The following HERC2 variants were observed in gnomAD, a reference collection of about 807,000 sequenced individuals.
HERC2 encodes the protein E3 ubiquitin-protein ligase HERC2.
Under a neutral mutation model 537.7 loss-of-function variants are expected in HERC2, and 102 were observed. The observed-to-expected ratio is 0.19, with a 90% CI of 0.16 to 0.22. The LOEUF is 0.22. HERC2 is among the 10% of genes least tolerant of loss of function. The probability of loss-of-function intolerance (pLI) is 1.00; values close to 1 mark genes in which losing one functional copy is unlikely to be tolerated. For missense variants in HERC2, 4,236 were observed against 6,198.2 expected, an observed-to-expected ratio of 0.68 and a Z score of 10.63; for synonymous variants, 2,224 against 2,466.2, an observed-to-expected ratio of 0.90 and a Z score of 2.91.
intron 30 of HERC2, among the ~76,000 whole-genome samples, chr15:28,232,736 A>G (rs1902013693): frequency 1.3e-5 from 2 of 152,212 alleles, no homozygotes; most frequent in South Asian, 4.1e-4. Flanking sequence ...GCTTGCCTTT[A>G]TAATTCTCCA....
chr15:28,246,691 T>G, intron 22 of HERC2, 51 bp downstream of exon 22: 3 of 1,448,178 alleles, frequency 2.1e-6, no homozygotes, highest in Non-Finnish European at 2.8e-6. Flanking sequence ...CACTTTAGCT[T>G]TCATCTATCT....
At chr15:28,163,836 C>T (rs1292010203) in intron 68 of HERC2, among the ~76,000 whole-genome samples, 3 of 152,158 alleles carry the variant, frequency 2.0e-5, no homozygotes, top group African/African-American at 7.2e-5. Context: ...CACTCGTGTA[C>T]TTCCCATTCC....
At chr15:28,290,671 C>T (rs1466870488) in intron 4 of HERC2, among the ~76,000 whole-genome samples, 5 of 152,024 alleles carry the variant, frequency 3.3e-5, no homozygotes, top group Admixed American at 3.3e-4. Context: ...TTGAAAATCC[C>T]CAAATACTTG....
At chr15:28,262,307 C>T (rs1487174256) in intron 15 of HERC2, among the ~76,000 whole-genome samples, 1 of 152,202 alleles carries the variant, frequency 6.6e-6, no homozygotes, top group Non-Finnish European at 1.5e-5. Flanking sequence ...CTAGTAAGAA[C>T]ACCACAGAAG....
At chr15:28,270,152 A>G (rs1439213170) in intron 10 of HERC2, among the ~76,000 whole-genome samples, 1 of 152,024 alleles carries the variant, frequency 6.6e-6, no homozygotes, top group African/African-American at 2.4e-5. Flanking sequence ...AAGTTGAGAC[A>G]GGGTTTCTCC....
In HERC2 at chr15:28,238,952, T is replaced by TA. The variant is rs910696881; in HGVS notation, c.3578-181dup. ...AAATTCTGTTAAATATAGAATGCTTTAAAAAAAAATCTAGGCAGCATGAAT... is the reference window on the plus strand; with the variant it reads ...AAATTCTGTTAAATATAGAATGCTTTAAAAAAAAAATCTAGGCAGCATGAAT... On this transcript the variant is annotated intron_variant, in intron 23 of 92. Transcript: ENST00000261609. Among the ~76,000 whole-genome samples, 9 of 151,558 alleles carry TA rather than the reference T, an allele frequency of 5.9e-5. No homozygotes were observed. The South Asian group carries it at 6.3e-4, about 11-fold the overall frequency.
intron 85 of HERC2, 91 bp from the exon 86 acceptor site, chr15:28,121,520 G>T: frequency 9.5e-7 from 1 of 1,054,700 alleles, no homozygotes; most frequent in Non-Finnish European, 1.5e-6. Context: ...TAAAATCTGT[G>T]TTGAAGACCT....
At chr15:28,187,307 A>C (rs1896400077) in intron 55 of HERC2, among the ~76,000 whole-genome samples, 1 of 152,068 alleles carries the variant, frequency 6.6e-6, no homozygotes, top group South Asian at 2.1e-4. Flanking sequence ...TATATCACTG[A>C]ATTAAGGAGG....
intron 69 of HERC2, among the ~76,000 whole-genome samples, chr15:28,157,881 G>C (rs1039008933): frequency 1.3e-4 from 20 of 152,052 alleles, no homozygotes; most frequent in African/African-American, 4.3e-4. Context: ...GGCATTTAGT[G>C]CTATAAATTT....
At chr15:28,293,552 G>A (rs60751586) in intron 3 of HERC2, among the ~76,000 whole-genome samples, 1 of 150,690 alleles carries the variant, frequency 6.6e-6, no homozygotes, top group African/African-American at 2.4e-5. Context: ...GTCTTCCAAA[G>A]TGATATTCCA....
At chr15:28,187,152 A>T (rs1896384692) in intron 55 of HERC2, among the ~76,000 whole-genome samples, 1 of 152,182 alleles carries the variant, frequency 6.6e-6, no homozygotes, top group Admixed American at 6.5e-5. Context: ...AACATATTTG[A>T]ATATACACAA....
In HERC2 at chr15:28,176,384, C is replaced by A; in HGVS notation, c.9686+44G>T. 1 of 1,602,870 alleles carries A rather than the reference C, an allele frequency of 6.2e-7. No homozygotes were observed. The highest frequency in any genetic ancestry group is 1.1e-5 in the South Asian group (1 of 90,478). On this transcript the variant is annotated intron_variant, in intron 63 of 92. Transcript: ENST00000261609. The surrounding 1 kb of genome is among the most constrained non-coding windows in gnomAD (Gnocchi z 5.0). Reference sequence around the variant, plus strand: ...GCGAGGCCCAGGTTCCCTGCACACACCTGCACAAGCACACACAGTGTGACA... The same window carrying A: ...GCGAGGCCCAGGTTCCCTGCACACAACTGCACAAGCACACACAGTGTGACA...
chr15:28,287,900 A>T (rs562112936), intron 4 of HERC2, among the ~76,000 whole-genome samples: 4 of 151,512 alleles, frequency 2.6e-5, no homozygotes, highest in African/African-American at 9.7e-5. Context: ...ATTTTTTTGT[A>T]TCTTTAGTAG....
In HERC2 at chr15:28,189,342, C is replaced by T. The variant is rs181485938; in HGVS notation, c.8649+1623G>A. Among the ~76,000 whole-genome samples, 505 of 152,264 alleles carry T rather than the reference C, an allele frequency of 3.3e-3. 3 individuals are homozygous for T. Among genetic ancestry groups the T allele is most frequent in the African/African-American group, 0.012 (479 of 41,550 alleles). On this transcript the variant is annotated intron_variant, in intron 55 of 92. Transcript: ENST00000261609. ...AGATATCTTTTACGAATGATAATCT[C>T]CATTGTTGATTTAATTACTTAGTTT...
In HERC2 at chr15:28,124,048, A is replaced by T; in HGVS notation, c.13177T>A (p.Ser4393Thr). 6.3e-7 allele frequency: 1 copy of T among 1,589,794 alleles called. No individual in the cohort carries two copies. The highest frequency in any genetic ancestry group is 8.6e-7 in the Non-Finnish European group (1 of 1,167,074). The change falls in exon 85 of 93, where the codon TCC becomes ACC. Residue 4393 changes from serine to threonine, a missense_variant. Coordinates refer to ENST00000261609, the MANE Select transcript of HERC2 (RefSeq NM_004667.6). The part of the protein sequence containing the change: ...GFDTLRGILI[S>T]QGKEAAFRKV... ...TGCCACTTGAATACCTTTCCCTGGG[A>T]TATCAGAATTCCTCGGAGAGTGTCG...
intron 64 of HERC2, 101 bp from the exon 65 acceptor site, chr15:28,174,721 G>T (rs1438168099): frequency 7.1e-6 from 7 of 981,520 alleles, no homozygotes; most frequent in Admixed American, 5.4e-5. Flanking sequence ...TGCCACGGTA[G>T]TTGAAAGAAT....
intron 80 of HERC2, 62 bp from the exon 81 acceptor site, chr15:28,132,323 G>C (rs1422467184): frequency 6.9e-6 from 10 of 1,448,474 alleles, no homozygotes; most frequent in African/African-American, 1.4e-5. Flanking sequence ...CACAGGACTG[G>C]CTTCACAACA....
At chr15:28,142,616 T>TG (rs1253524418) in intron 75 of HERC2, among the ~76,000 whole-genome samples, 2 of 152,282 alleles carry the variant, frequency 1.3e-5, no homozygotes, top group Non-Finnish European at 1.5e-5. Context: ...CAAGAACACC[T>TG]GTGCATCTCA....
At chr15:28,225,164 G>C (rs779212441) in intron 35 of HERC2, among the ~76,000 whole-genome samples, 3 of 151,910 alleles carry the variant, frequency 2.0e-5, no homozygotes, top group Admixed American at 6.6e-5. Context: ...GAGGCAGGTG[G>C]ATAACTTGAG....
Sources: allele counts gnomAD v4.1 joint callset (sites outside exome capture counted in the v4.1 genomes callset), GRCh38; gene constraint gnomAD v4.1.1; non-coding constraint Gnocchi (gnomAD v3.1); transcripts MANE v1.5; gene names NCBI Gene and HGNC (gene_info 2026-07-23, HGNC 2026-07-21).